GRID2: variants seen among roughly 807,000 people sequenced by gnomAD.
The protein encoded by GRID2 is glutamate receptor ionotropic, delta-2.
In GRID2, 33 loss-of-function variants were observed where a neutral mutation model predicts 114.8. The ratio of observed to expected loss-of-function variants is 0.29; its 90% confidence interval spans 0.22 to 0.38. The LOEUF (loss-of-function observed/expected upper bound fraction) is 0.38, where lower values mean the gene tolerates loss of function less well. Ranked by LOEUF, GRID2 falls within the 10% of genes least tolerant of loss-of-function variation. The pLI, the probability that GRID2 is intolerant of heterozygous loss-of-function variation, is 1.00. For missense variants in GRID2, 1,184 were observed against 1,257.7 expected, an observed-to-expected ratio of 0.94 and a Z score of 0.89; for synonymous variants, 505 against 449.9, an observed-to-expected ratio of 1.12 and a Z score of -1.55.
intron 2 of GRID2, among the ~76,000 whole-genome samples, chr4:92,963,589 C>A (rs867969118): frequency 1.3e-5 from 2 of 151,948 alleles, no homozygotes; most frequent in Admixed American, 1.3e-4. Context: ...GTTATTTTTA[C>A]CACAACTGCA....
chr4:93,509,326 A>G (rs1728943757), intron 12 of GRID2, among the ~76,000 whole-genome samples: 1 of 152,204 alleles, frequency 6.6e-6, no homozygotes, highest in African/African-American at 2.4e-5. Context: ...ATGAGAGTAG[A>G]TGAGGTGGGG....
chr4:92,825,871 G>T (rs531128392), intron 2 of GRID2, among the ~76,000 whole-genome samples: 1 of 152,190 alleles, frequency 6.6e-6, no homozygotes, highest in Non-Finnish European at 1.5e-5. Context: ...TCATTTTCTG[G>T]AGCCCATGTT....
chr4:93,744,176 T>C (rs1731647055), intron 14 of GRID2, among the ~76,000 whole-genome samples: 1 of 152,180 alleles, frequency 6.6e-6, no homozygotes, highest in Non-Finnish European at 1.5e-5. Context: ...CGAACTCTAA[T>C]AGTAATGAAC....
chr4:92,396,341 T>C (rs1730490306), intron 1 of GRID2, among the ~76,000 whole-genome samples: 1 of 151,966 alleles, frequency 6.6e-6, no homozygotes, highest in Admixed American at 6.6e-5. Context: ...ATGTCTTGCA[T>C]GTTATATTTG....
chr4:92,607,485 C>T (rs536516579), intron 2 of GRID2, among the ~76,000 whole-genome samples: 1 of 151,678 alleles, frequency 6.6e-6, no homozygotes, highest in Non-Finnish European at 1.5e-5. Context: ...GGGGAAGAAC[C>T]GCAAGTTACT....
chr4:93,098,718 A>T (rs893896525), intron 3 of GRID2, among the ~76,000 whole-genome samples: 4 of 151,938 alleles, frequency 2.6e-5, no homozygotes, highest in Non-Finnish European at 5.9e-5. Context: ...GCCTAGTAAC[A>T]ATAACAACCC....
intron 1 of GRID2, among the ~76,000 whole-genome samples, chr4:92,488,702 C>T (rs1458788807): frequency 1.3e-5 from 2 of 152,144 alleles, no homozygotes; most frequent in Non-Finnish European, 2.9e-5. Flanking sequence ...GGTAAAAGAA[C>T]GTACCTCTTG....
At chr4:92,783,985 C>T (rs967952717) in intron 2 of GRID2, among the ~76,000 whole-genome samples, 6 of 151,904 alleles carry the variant, frequency 3.9e-5, no homozygotes, top group Non-Finnish European at 8.8e-5. Context: ...TTTTTGCTTG[C>T]CACTAAATCA....
chr4:93,644,072 T>A lies in GRID2; in HGVS notation c.2360+17637T>A, dbSNP rs2149711782. 5.1e-5 allele frequency among the ~76,000 whole-genome samples: 4 copies of A among 77,980 alleles called. 2 individuals carry two copies. The South Asian group carries it at 1.7e-3, about 32-fold the overall frequency. The allele number at this position is 77,980 out of a possible 152,430, so 51.2% of individuals were successfully genotyped here. ...CAATATTCGGGTGGGAGTGACCCGA[T>A]TTTCCAGGTGCGTCCGTCACCCCTT... On this transcript the variant is annotated intron_variant, in intron 14 of 15. Coordinates refer to ENST00000282020, the MANE Select transcript of GRID2 (RefSeq NM_001510.4).
chr4:92,453,281 T>A (rs760278627), intron 1 of GRID2, among the ~76,000 whole-genome samples: 1 of 152,090 alleles, frequency 6.6e-6, no homozygotes, highest in Non-Finnish European at 1.5e-5. Flanking sequence ...TGAAGCATAG[T>A]TTTTAAAATA....
chr4:93,179,606 G>T (rs2149433671), intron 4 of GRID2, among the ~76,000 whole-genome samples: 1 of 152,240 alleles, frequency 6.6e-6, no homozygotes, highest in East Asian at 1.9e-4. Flanking sequence ...TTTACAATGA[G>T]CCAGGCATTG....
At chr4:92,726,733 C>G (rs1453813390) in intron 2 of GRID2, among the ~76,000 whole-genome samples, 1 of 152,032 alleles carries the variant, frequency 6.6e-6, no homozygotes, top group African/African-American at 2.4e-5. Flanking sequence ...AGCAGTTAAT[C>G]CATATCGATT....
intron 2 of GRID2, among the ~76,000 whole-genome samples, chr4:92,617,335 C>G (rs141587787): frequency 5.9e-5 from 9 of 151,366 alleles, no homozygotes; most frequent in African/African-American, 1.9e-4. Context: ...TTTTAAGCCC[C>G]GCATGTATTA....
chr4:93,496,458 C>T (rs1254365938), intron 12 of GRID2, among the ~76,000 whole-genome samples: 1 of 151,680 alleles, frequency 6.6e-6, no homozygotes, highest in Non-Finnish European at 1.5e-5. Context: ...CTATAATCAC[C>T]ACTGCAATCA....
intron 2 of GRID2, among the ~76,000 whole-genome samples, chr4:92,622,203 C>T (rs998035646): frequency 3.3e-5 from 5 of 151,712 alleles, no homozygotes; most frequent in Non-Finnish European, 5.9e-5. Context: ...TAGCAAGAAT[C>T]TGTAAGAGAT....
At chr4:93,047,874 A>G (rs1051148928) in intron 2 of GRID2, among the ~76,000 whole-genome samples, 4 of 146,624 alleles carry the variant, frequency 2.7e-5, no homozygotes, top group African/African-American at 1.1e-4. Context: ...TAAAAAACAA[A>G]CAAACAAACA....
At chr4:92,491,134 T>C (rs984177974) in intron 1 of GRID2, among the ~76,000 whole-genome samples, 8 of 152,114 alleles carry the variant, frequency 5.3e-5, no homozygotes, top group African/African-American at 1.9e-4. Context: ...CCCTAACATA[T>C]TAGCCCGATA....
At position 93,734,432 on chromosome 4, in the gene GRID2, T is replaced by A. The variant is rs189283399; in HGVS notation, c.2361-34778T>A. 1.3e-3 allele frequency among the ~76,000 whole-genome samples: 192 copies of A among 152,162 alleles called. 3 individuals are homozygous for A. Among genetic ancestry groups the A allele is most frequent in the Non-Finnish European group, 6.0e-4 (41 of 67,914 alleles). On this transcript the variant is annotated intron_variant, in intron 14 of 15. Coordinates refer to ENST00000282020, the MANE Select transcript of GRID2 (RefSeq NM_001510.4). ...GAACTGTTGACTGCAAGATTGTCAGTAGTGAATGTTTGGTTTCCCTTATTG... is the reference window on the plus strand; with the variant it reads ...GAACTGTTGACTGCAAGATTGTCAGAAGTGAATGTTTGGTTTCCCTTATTG...
At chr4:93,695,225 G>A (rs991339517) in intron 14 of GRID2, among the ~76,000 whole-genome samples, 1 of 151,310 alleles carries the variant, frequency 6.6e-6, no homozygotes, top group African/African-American at 2.4e-5. Flanking sequence ...ACTGGAGGCT[G>A]GAAAGACTTT....
Sources: allele counts gnomAD v4.1 joint callset (sites outside exome capture counted in the v4.1 genomes callset), GRCh38; gene constraint gnomAD v4.1.1; transcripts MANE v1.5; gene names NCBI Gene and HGNC (gene_info 2026-07-23, HGNC 2026-07-21).